The following KDM4C variants were observed in gnomAD, a reference collection of about 807,000 sequenced individuals.
KDM4C encodes lysine-specific demethylase 4C.
In KDM4C, 81 loss-of-function variants were observed where a neutral mutation model predicts 129.3. The ratio of observed to expected loss-of-function variants is 0.63; its 90% CI spans 0.52 to 0.75. The LOEUF (loss-of-function observed/expected upper bound fraction) is 0.75, where lower values mean the gene tolerates loss of function less well. KDM4C is among the 30% of genes least tolerant of loss of function. The pLI is 0.00. For synonymous variants in KDM4C, 573 were observed against 456.1 expected, an observed-to-expected ratio of 1.26 and a Z score of -3.26; for missense variants, 1,457 against 1,304.0, an observed-to-expected ratio of 1.12 and a Z score of -1.81.
chr9:6,829,853 T>C (rs1834519053), intron 4 of KDM4C, among the ~76,000 whole-genome samples: 1 of 152,228 alleles, frequency 6.6e-6, no homozygotes, highest in South Asian at 2.1e-4. Context: ...GGCCTGCTGT[T>C]TTCCATTTCA....
chr9:6,895,815 GA>G (rs2130922307), intron 8 of KDM4C, among the ~76,000 whole-genome samples: 1 of 152,188 alleles, frequency 6.6e-6, no homozygotes, highest in Admixed American at 6.5e-5. Flanking sequence ...ATAAAAACAG[GA>G]AAATAACTTT....
chr9:6,956,407 T>TA (rs1829078233), intron 8 of KDM4C, among the ~76,000 whole-genome samples: 2 of 151,976 alleles, frequency 1.3e-5, no homozygotes, highest in African/African-American at 2.4e-5. Context: ...TTTAAAAAAT[T>TA]AAAAAAAATT....
intron 8 of KDM4C, among the ~76,000 whole-genome samples, chr9:6,973,461 G>A (rs1832350112): frequency 6.6e-6 from 1 of 152,192 alleles, no homozygotes; most frequent in Non-Finnish European, 1.5e-5. Flanking sequence ...GAGTTTTCAC[G>A]TGGCAGGAGA....
rs984099365 is a variant in KDM4C at position 6,977,464 on chromosome 9, A to G, written c.922-3461A>G. 2.6e-5 allele frequency among the ~76,000 whole-genome samples: 4 copies of G among 152,260 alleles called. No individual in the cohort carries two copies. The East Asian group carries it at 7.7e-4, about 29-fold the overall frequency. ...AGTGGATATTATTTCATGTCTCCCAAAACCACATACATGTTGCCATGTAAT... is the reference window on the plus strand; with the variant it reads ...AGTGGATATTATTTCATGTCTCCCAGAACCACATACATGTTGCCATGTAAT... On this transcript the variant is annotated intron_variant, in intron 8 of 21. Coordinates refer to ENST00000381309, the MANE Select transcript of KDM4C (RefSeq NM_015061.6).
intron 17 of KDM4C, chr9:7,076,339 A>G (rs2132881565): frequency 4.8e-6 from 4 of 830,488 alleles, no homozygotes; most frequent in South Asian, 3.0e-5. Flanking sequence ...CTGGGATTAA[A>G]TTAGTTTGTC....
rs115943785 is a variant in KDM4C at position 6,735,065 on chromosome 9, T to A, written c.49+14068T>A. 1,786 of 444,286 alleles carry A rather than the reference T, an allele frequency of 4.0e-3. 28 individuals carry two copies. The highest frequency in any genetic ancestry group is 0.033 in the African/African-American group (1,648 of 49,876). The allele number at this position is 444,286 out of a possible 1,614,324, so 27.5% of individuals were successfully genotyped here. Reference sequence around the variant, plus strand: ...GGTGGTCAAAGAGATGCTCCAAAGTTCAAATCTTCATGGTTCCAGCAGCCT... The same window carrying A: ...GGTGGTCAAAGAGATGCTCCAAAGTACAAATCTTCATGGTTCCAGCAGCCT... On this transcript the variant is annotated intron_variant, in intron 1 of 17. Coordinates refer to the KDM4C transcript ENST00000536108.
chr9:7,054,444 A>G (rs1830604845), intron 17 of KDM4C, among the ~76,000 whole-genome samples: 2 of 152,244 alleles, frequency 1.3e-5, no homozygotes, highest in South Asian at 4.1e-4. Flanking sequence ...TAAAACACAC[A>G]TTAAGACAGA....
At chr9:6,795,250 T>C (rs1225128819) in intron 2 of KDM4C, among the ~76,000 whole-genome samples, 1 of 152,240 alleles carries the variant, frequency 6.6e-6, no homozygotes, top group African/African-American at 2.4e-5. Context: ...ATGGACCTGA[T>C]GCTACTTGTA....
intron 8 of KDM4C, among the ~76,000 whole-genome samples, chr9:6,924,162 A>C (rs1253603336): frequency 6.6e-6 from 1 of 152,218 alleles, no homozygotes; most frequent in African/African-American, 2.4e-5. Flanking sequence ...ATTTTAATAC[A>C]GAATAAGAAC....
chr9:6,854,839 CA>C (rs1839515777), intron 5 of KDM4C, among the ~76,000 whole-genome samples: 2 of 152,122 alleles, frequency 1.3e-5, no homozygotes, highest in South Asian at 4.1e-4. Context: ...TAGTACTTAC[CA>C]GCACAGGTTT....
At chr9:6,927,407 G>A (rs547398284) in intron 8 of KDM4C, among the ~76,000 whole-genome samples, 3 of 152,172 alleles carry the variant, frequency 2.0e-5, no homozygotes, top group Non-Finnish European at 4.4e-5. Flanking sequence ...TGGGATTATA[G>A]GTGTGAGCTA....
At chr9:7,169,300 T>C (rs1844718822) in intron 20 of KDM4C, among the ~76,000 whole-genome samples, 1 of 152,174 alleles carries the variant, frequency 6.6e-6, no homozygotes, top group Non-Finnish European at 1.5e-5. Flanking sequence ...CCAAGAATTT[T>C]GGCCTGTTTT....
At chr9:7,093,132 G>A (rs780372079) in intron 17 of KDM4C, among the ~76,000 whole-genome samples, 14 of 152,054 alleles carry the variant, frequency 9.2e-5, no homozygotes, top group Non-Finnish European at 1.5e-4. Context: ...AGATGGGGTG[G>A]TGTTACTTCC....
intron 17 of KDM4C, among the ~76,000 whole-genome samples, chr9:7,102,023 A>C (rs1400230289): frequency 6.6e-6 from 1 of 152,218 alleles, no homozygotes. Context: ...ATTGTCAAAG[A>C]GATACCAAGA....
intron 4 of KDM4C, chr9:6,835,275 T>C (rs1835678319): frequency 1.1e-6 from 1 of 914,104 alleles, no homozygotes; most frequent in South Asian, 1.3e-5. Flanking sequence ...GTGGCATCCA[T>C]GAAACTACCT....
chr9:6,757,895 A>G (rs965971143), upstream of KDM4C: 2 of 985,336 alleles, frequency 2.0e-6, no homozygotes, highest in East Asian at 2.3e-4. Context: ...GGCACCTTTA[A>G]GCTGTTTGTA....
At chr9:6,875,043 A>C (rs1004925219) in intron 5 of KDM4C, among the ~76,000 whole-genome samples, 1 of 152,118 alleles carries the variant, frequency 6.6e-6, no homozygotes, top group African/African-American at 2.4e-5. Context: ...TGAGCACACC[A>C]GACTGACCCT....
chr9:7,156,446 G>A lies in KDM4C; in HGVS notation c.2782-8792G>A, dbSNP rs146580484. Reference sequence around the variant, plus strand: ...CCTTGGCCATGCCTGTGTCCTGAATGGTATTGCCTAGGTTTTCTTCTAGGG... The same window carrying A: ...CCTTGGCCATGCCTGTGTCCTGAATAGTATTGCCTAGGTTTTCTTCTAGGG... On this transcript the variant is annotated intron_variant, in intron 19 of 21. Transcript: ENST00000381309. 2.3e-3 allele frequency among the ~76,000 whole-genome samples: 356 copies of A among 152,206 alleles called. 3 individuals are homozygous for A. In the East Asian group the frequency reaches 0.028, roughly 12 times the overall value.
At chr9:6,800,766 A>G (rs1014001772) in intron 2 of KDM4C, among the ~76,000 whole-genome samples, 3 of 152,066 alleles carry the variant, frequency 2.0e-5, no homozygotes, top group East Asian at 1.9e-4. Context: ...AGCTAGGACT[A>G]TAGGCGTGTG....
Sources: gnomAD v4.1 joint callset for allele counts (sites outside exome capture counted in the v4.1 genomes callset) on GRCh38, gnomAD v4.1.1 for gene constraint, MANE v1.5 for transcripts, NCBI Gene and HGNC (gene_info 2026-07-23, HGNC 2026-07-21) for gene names.